The following TIAM1 variants were observed in gnomAD, a reference collection of about 807,000 sequenced individuals.
TIAM1 encodes rho guanine nucleotide exchange factor TIAM1.
Under a neutral mutation model 163.5 loss-of-function variants are expected in TIAM1, and 65 were observed. That is an observed-to-expected ratio of 0.40 (90% confidence interval 0.33 to 0.49). The LOEUF (loss-of-function observed/expected upper bound fraction) is 0.49. Ranked by LOEUF, TIAM1 falls within the 20% of genes least tolerant of loss-of-function variation. The pLI, the probability that TIAM1 is intolerant of heterozygous loss-of-function variation, is 0.77. For synonymous variants in TIAM1, 833 were observed against 810.1 expected (o/e 1.03, Z -0.48); for missense variants, 1,789 against 2,044.7 (o/e 0.87, Z 2.41).
chr21:31,155,278 T>C (rs1266040416), intron 16 of TIAM1, among the ~76,000 whole-genome samples: 1 of 152,222 alleles, frequency 6.6e-6, no homozygotes, highest in Non-Finnish European at 1.5e-5. Flanking sequence ...AGACCAGTAG[T>C]TTTCCAACTT....
intron 2 of TIAM1, among the ~76,000 whole-genome samples, chr21:31,312,751 C>G (rs1315632405): frequency 2.6e-5 from 4 of 152,184 alleles, no homozygotes; most frequent in Non-Finnish European, 2.9e-5. Flanking sequence ...CGCAGGTCCA[C>G]TTGCTCTTAA....
At chr21:31,484,005 A>G (rs529206905) in intron 1 of TIAM1, among the ~76,000 whole-genome samples, 4 of 152,296 alleles carry the variant, frequency 2.6e-5, no homozygotes, top group African/African-American at 9.6e-5. Context: ...GATCAGTCAT[A>G]AGGTGCAATC....
chr21:31,531,986 G>A (rs777851487), intron 1 of TIAM1, among the ~76,000 whole-genome samples: 35 of 152,182 alleles, frequency 2.3e-4, no homozygotes, highest in African/African-American at 7.7e-4. Flanking sequence ...GCATGGTGGC[G>A]TGTGCCTGCA....
At chr21:31,381,197 C>T (rs1602140056) in intron 2 of TIAM1, among the ~76,000 whole-genome samples, 2 of 152,174 alleles carry the variant, frequency 1.3e-5, no homozygotes, top group African/African-American at 2.4e-5. Context: ...TCTGTGTCCC[C>T]GCAAAATCCG....
chr21:31,224,266 T>C lies in TIAM1; in HGVS notation c.1810-675A>G, dbSNP rs115553121. Among the ~76,000 whole-genome samples the C allele has an allele frequency of 6.2e-3, 945 of 152,328 alleles. 12 individuals carry two copies. Among genetic ancestry groups the C allele is most frequent in the African/African-American group, 0.021 (883 of 41,568 alleles). On this transcript the variant is annotated intron_variant, in intron 7 of 27. Coordinates refer to ENST00000541036, the MANE Select transcript of TIAM1 (RefSeq NM_001353694.2). ...CAGATAATGAGGAATGGTTGAAATC[T>C]CCCTTTTTGCTTCAACAAAATATAT...
chr21:31,344,921 C>T (rs2076118412), upstream of TIAM1, among the ~76,000 whole-genome samples: 1 of 152,178 alleles, frequency 6.6e-6, no homozygotes, highest in Non-Finnish European at 1.5e-5. Flanking sequence ...AATTTGATTT[C>T]CCATGAGCAA....
intron 2 of TIAM1, among the ~76,000 whole-genome samples, chr21:31,417,725 C>A (rs2043422032): frequency 6.6e-6 from 1 of 152,194 alleles, no homozygotes; most frequent in Admixed American, 6.5e-5. Flanking sequence ...TCCTGCCACA[C>A]TCTACCTGTG....
At chr21:31,406,877 GT>G (rs951460626) in intron 2 of TIAM1, among the ~76,000 whole-genome samples, 1 of 152,148 alleles carries the variant, frequency 6.6e-6, no homozygotes, top group Admixed American at 6.5e-5. Context: ...CATTAGATGA[GT>G]TTTTTAAGTT....
chr21:31,122,954 C>T (rs2082056656), intron 27 of TIAM1, among the ~76,000 whole-genome samples: 2 of 152,192 alleles, frequency 1.3e-5, no homozygotes, highest in South Asian at 2.1e-4. Context: ...CATGAAGATT[C>T]TGAGGATAGT....
intron 1 of TIAM1, among the ~76,000 whole-genome samples, chr21:31,464,591 C>G (rs1250226922): frequency 6.6e-6 from 1 of 151,952 alleles, no homozygotes; most frequent in Non-Finnish European, 1.5e-5. Flanking sequence ...GCCTGTAATC[C>G]TAGCACTTTG....
At chr21:31,441,097 C>G (rs978877858) in intron 2 of TIAM1, among the ~76,000 whole-genome samples, 1 of 152,156 alleles carries the variant, frequency 6.6e-6, no homozygotes, top group East Asian at 1.9e-4. Flanking sequence ...TAACAGGTCA[C>G]CATGCTTTTA....
intron 15 of TIAM1, among the ~76,000 whole-genome samples, chr21:31,165,708 A>G (rs2084177950): frequency 6.6e-6 from 1 of 151,702 alleles, no homozygotes; most frequent in Admixed American, 6.6e-5. Context: ...ATACTAAAAA[A>G]TTAACTGATT....
At position 31,153,710 on chromosome 21, in the gene TIAM1, T is replaced by TAA. The variant is rs1211398093; in HGVS notation, c.3171+536_3171+537insTT. Among the ~76,000 whole-genome samples the TAA allele has an allele frequency of 3.9e-4, 23 of 59,622 alleles. No homozygotes were observed. In the East Asian group the frequency reaches 6.8e-3, roughly 18 times the overall value. The allele number at this position is 59,622 out of a possible 152,430, so 39.1% of individuals were successfully genotyped here. A position where few individuals can be genotyped will look rare whatever the true frequency, so the allele number is the denominator to read the frequency against. ...GCTTTCTTATTAGGTCAACAACACA[T>TAA]ACATATATATATATATATAAATGAA... On this transcript the variant is annotated intron_variant, in intron 17 of 27. Coordinates refer to ENST00000541036, the MANE Select transcript of TIAM1 (RefSeq NM_001353694.2).
intron 1 of TIAM1, among the ~76,000 whole-genome samples, chr21:31,512,622 T>C (rs543745735): frequency 0.014 from 1,810 of 130,556 alleles, 21 homozygotes; most frequent in South Asian, 0.044. Context: ...CTTTTCTTTT[T>C]TTTTTTTTTT....
intron 1 of TIAM1, among the ~76,000 whole-genome samples, chr21:31,497,463 AAAAG>A (rs145473013): frequency 1.3e-5 from 2 of 152,320 alleles, no homozygotes; most frequent in East Asian, 3.9e-4. Context: ...AGTGGAGAGG[AAAAG>A]GTACTGATAT....
intron 12 of TIAM1, among the ~76,000 whole-genome samples, chr21:31,199,676 G>A (rs560346523): frequency 3.9e-5 from 6 of 151,948 alleles, no homozygotes; most frequent in Admixed American, 2.0e-4. Flanking sequence ...AACCATAGGC[G>A]TGTGCCACCA....
At chr21:31,434,021 C>G (rs1359186285) in intron 2 of TIAM1, among the ~76,000 whole-genome samples, 1 of 152,120 alleles carries the variant, frequency 6.6e-6, no homozygotes, top group Non-Finnish European at 1.5e-5. Context: ...TGGTCTCAAA[C>G]TCCTGAGCTC....
chr21:31,271,676 A>C (rs1180213904), intron 3 of TIAM1, among the ~76,000 whole-genome samples: 1 of 130,110 alleles, frequency 7.7e-6, no homozygotes, highest in Non-Finnish European at 1.6e-5. Context: ...GCAGAGGTTC[A>C]GGAATGAGGT....
chr21:31,274,275 T>C (rs545615361), intron 3 of TIAM1, among the ~76,000 whole-genome samples: 11 of 151,970 alleles, frequency 7.2e-5, no homozygotes, highest in Non-Finnish European at 1.2e-4. Context: ...GTCAACCCTA[T>C]ATGACCCAAG....
Sources: gnomAD v4.1 joint callset for allele counts (sites outside exome capture counted in the v4.1 genomes callset) on GRCh38, gnomAD v4.1.1 for gene constraint, MANE v1.5 for transcripts, NCBI Gene and HGNC (gene_info 2026-07-23, HGNC 2026-07-21) for gene names.